The following DLGAP1 variants were observed in gnomAD, a reference collection of about 807,000 sequenced individuals.
The protein encoded by DLGAP1 is disks large-associated protein 1.
Under a neutral mutation model 90.8 loss-of-function variants are expected in DLGAP1, and 11 were observed. The ratio of observed to expected loss-of-function variants is 0.12; its 90% CI spans 0.08 to 0.20. The LOEUF is 0.20. Ranked by LOEUF, DLGAP1 falls within the 10% of genes least tolerant of loss-of-function variation. The pLI is 1.00. For missense variants in DLGAP1, 1,050 were observed against 1,333.8 expected (o/e 0.79, Z 3.31); for synonymous variants, 558 against 540.7 (o/e 1.03, Z -0.44).
intron 7 of DLGAP1, among the ~76,000 whole-genome samples, chr18:3,646,886 C>T (rs1437206096): frequency 6.6e-6 from 1 of 151,938 alleles, no homozygotes; most frequent in Non-Finnish European, 1.5e-5. Context: ...GATCGAACTA[C>T]TGCACTTCAG....
At chr18:4,010,389 T>C (rs1479214194) in intron 2 of DLGAP1, among the ~76,000 whole-genome samples, 1 of 151,792 alleles carries the variant, frequency 6.6e-6, no homozygotes, top group Non-Finnish European at 1.5e-5. Flanking sequence ...TACAAAAAAA[T>C]ATTAAAAAAC....
intron 6 of DLGAP1, among the ~76,000 whole-genome samples, chr18:3,731,785 C>G (rs1034886585): frequency 1.3e-4 from 20 of 151,974 alleles, no homozygotes; most frequent in African/African-American, 4.8e-4. Flanking sequence ...TACAGAAAAC[C>G]ATACAAAATA....
At chr18:3,823,786 C>A (rs1444518157) in intron 4 of DLGAP1, among the ~76,000 whole-genome samples, 2 of 151,640 alleles carry the variant, frequency 1.3e-5, no homozygotes, top group East Asian at 3.9e-4. Context: ...CCTGTCTATA[C>A]TAAAAATAGA....
intron 2 of DLGAP1, among the ~76,000 whole-genome samples, chr18:4,080,672 A>G (rs548826549): frequency 1.3e-5 from 2 of 152,300 alleles, no homozygotes; most frequent in African/African-American, 4.8e-5. Context: ...TTTCATCTAT[A>G]GAACAAGACC....
chr18:3,818,510 CCA>C, intron 4 of DLGAP1, among the ~76,000 whole-genome samples: 1 of 151,998 alleles, frequency 6.6e-6, no homozygotes, highest in Middle Eastern at 3.4e-3. Context: ...TAGGCCTGTG[CCA>C]CCATGCCCAG....
intron 3 of DLGAP1, among the ~76,000 whole-genome samples, chr18:3,951,115 G>C (rs542804627): frequency 2.0e-5 from 3 of 152,346 alleles, no homozygotes; most frequent in African/African-American, 7.2e-5. Flanking sequence ...AACTCATTTA[G>C]TTCCTACATG....
intron 3 of DLGAP1, among the ~76,000 whole-genome samples, chr18:3,988,526 C>T (rs531061088): frequency 1.3e-5 from 2 of 152,256 alleles, no homozygotes; most frequent in African/African-American, 2.4e-5. Flanking sequence ...TCATAAGGAG[C>T]GGGCAACCTA....
intron 1 of DLGAP1, among the ~76,000 whole-genome samples, chr18:4,446,159 G>T (rs908956919): frequency 3.3e-5 from 5 of 152,110 alleles, no homozygotes; most frequent in Admixed American, 6.6e-5. Context: ...AAGCAATGAT[G>T]AGAACCAATT....
chr18:4,402,761 T>C (rs1564128), intron 1 of DLGAP1, among the ~76,000 whole-genome samples: 135,359 of 152,170 alleles, frequency 0.89, 61,131 homozygotes, highest in East Asian at 1. Context: ...GTCCATAATG[T>C]TATGTCTGTA....
chr18:3,994,352 C>T (rs537906163), intron 3 of DLGAP1, among the ~76,000 whole-genome samples: 18 of 152,278 alleles, frequency 1.2e-4, no homozygotes, highest in African/African-American at 2.2e-4. Context: ...CCTAGAGTGG[C>T]GAGGGCTTCC....
chr18:3,668,746 C>G (rs369964765), intron 7 of DLGAP1, among the ~76,000 whole-genome samples: 1 of 152,090 alleles, frequency 6.6e-6, no homozygotes, highest in Non-Finnish European at 1.5e-5. Flanking sequence ...GCATGGAATC[C>G]CAGCACTTTG....
intron 7 of DLGAP1, among the ~76,000 whole-genome samples, chr18:3,645,547 C>T (rs752696862): frequency 2.6e-5 from 4 of 152,150 alleles, no homozygotes; most frequent in Non-Finnish European, 5.9e-5. Context: ...TGTGTGCAGG[C>T]TTAGGTCTCC....
At chr18:3,953,478 C>T (rs2148968964) in intron 3 of DLGAP1, among the ~76,000 whole-genome samples, 1 of 152,204 alleles carries the variant, frequency 6.6e-6, no homozygotes, top group South Asian at 2.1e-4. Flanking sequence ...GATAATGGCC[C>T]CCAGCTCCAT....
chr18:3,544,208 G>C (rs2052876708), intron 9 of DLGAP1, among the ~76,000 whole-genome samples: 1 of 152,152 alleles, frequency 6.6e-6, no homozygotes, highest in Admixed American at 6.5e-5. Flanking sequence ...TGGCCAACAT[G>C]GCGAAACCTG....
At chr18:3,833,769 T>A (rs527793992) in intron 4 of DLGAP1, among the ~76,000 whole-genome samples, 1 of 152,338 alleles carries the variant, frequency 6.6e-6, no homozygotes, top group South Asian at 2.1e-4. Context: ...GTCTGAATGA[T>A]AAATTTACCT....
intron 7 of DLGAP1, among the ~76,000 whole-genome samples, chr18:3,707,165 A>G (rs1025922030): frequency 2.0e-5 from 3 of 152,186 alleles, no homozygotes; most frequent in Admixed American, 2.0e-4. Flanking sequence ...TACAGTTTAT[A>G]TCTTAATATT....
chr18:4,376,772 A>C (rs2082022522), intron 1 of DLGAP1, among the ~76,000 whole-genome samples: 1 of 152,136 alleles, frequency 6.6e-6, no homozygotes, highest in African/African-American at 2.4e-5. Flanking sequence ...GGTGGAATTA[A>C]TTTTATTTAA....
chr18:3,929,195 T>A (rs1373850016), intron 3 of DLGAP1, among the ~76,000 whole-genome samples: 1 of 152,188 alleles, frequency 6.6e-6, no homozygotes, highest in Non-Finnish European at 1.5e-5. Context: ...ACAGTCACCT[T>A]TTTCTGTAAT....
At chr18:4,207,320 T>C (rs980361265) in intron 1 of DLGAP1, among the ~76,000 whole-genome samples, 5 of 151,998 alleles carry the variant, frequency 3.3e-5, no homozygotes, top group Admixed American at 6.6e-5. Context: ...ATAAAACCAT[T>C]AGCTCTTGTG....
Sources: gnomAD v4.1 joint callset for allele counts (sites outside exome capture counted in the v4.1 genomes callset) on GRCh38, gnomAD v4.1.1 for gene constraint, MANE v1.5 for transcripts, NCBI Gene and HGNC (gene_info 2026-07-23, HGNC 2026-07-21) for gene names.